The following SDK1 variants were observed in gnomAD, a reference collection of about 807,000 sequenced individuals.
The protein encoded by SDK1 is sidekick cell adhesion molecule 1, also known as protein sidekick-1.
A neutral mutation model predicts 245.5 loss-of-function variants in SDK1; 157 were observed. The observed-to-expected ratio is 0.64, with a 90% confidence interval of 0.56 to 0.73. SDK1 has a LOEUF of 0.73. SDK1 is among the 30% of genes least tolerant of loss of function. The pLI, the probability that SDK1 is intolerant of heterozygous loss-of-function variation, is 0.00. For missense variants in SDK1, 3,583 were observed against 3,002.3 expected, an observed-to-expected ratio of 1.19 and a Z score of -4.52; for synonymous variants, 1,647 against 1,278.5, an observed-to-expected ratio of 1.29 and a Z score of -6.15.
At chr7:3,488,066 A>C (rs1022812837) in intron 1 of SDK1, among the ~76,000 whole-genome samples, 3 of 152,282 alleles carry the variant, frequency 2.0e-5, no homozygotes, top group African/African-American at 7.2e-5. Flanking sequence ...CTTTCAAAGA[A>C]GTCTCTTGGT....
At chr7:3,802,055 A>G (rs1417833992) in intron 4 of SDK1, among the ~76,000 whole-genome samples, 1 of 152,206 alleles carries the variant, frequency 6.6e-6, no homozygotes, top group Non-Finnish European at 1.5e-5. Context: ...ACTTAATTAT[A>G]CATTCACAGA....
At chr7:3,916,408 A>C (rs1454949373) in intron 5 of SDK1, among the ~76,000 whole-genome samples, 2 of 152,246 alleles carry the variant, frequency 1.3e-5, no homozygotes, top group African/African-American at 4.8e-5. Context: ...CCCCTTTGGC[A>C]CAGTGAGTTT....
At chr7:4,118,984 TGAG>T (rs1359178812) in intron 25 of SDK1, among the ~76,000 whole-genome samples, 1 of 148,626 alleles carries the variant, frequency 6.7e-6, no homozygotes, top group Non-Finnish European at 1.5e-5. Flanking sequence ...TTGGGGATGA[TGAG>T]ATGTTCCAAA....
At chr7:3,696,982 A>G (rs908247467) in intron 4 of SDK1, among the ~76,000 whole-genome samples, 3 of 152,146 alleles carry the variant, frequency 2.0e-5, no homozygotes, top group African/African-American at 4.8e-5. Context: ...AGTGCGAAAT[A>G]GAACTTGTAT....
intron 30 of SDK1, among the ~76,000 whole-genome samples, chr7:4,153,639 A>G (rs1313879618): frequency 2.0e-5 from 3 of 152,070 alleles, no homozygotes; most frequent in Non-Finnish European, 2.9e-5. Context: ...CATGAGCTTG[A>G]TATTCTTTGT....
At chr7:4,148,223 G>A (rs1240463704) in intron 29 of SDK1, among the ~76,000 whole-genome samples, 1 of 152,172 alleles carries the variant, frequency 6.6e-6, no homozygotes, top group Non-Finnish European at 1.5e-5. Flanking sequence ...AGTGAGACGG[G>A]AGCCCTCCTC....
chr7:3,347,212 A>G (rs573101353), intron 1 of SDK1, among the ~76,000 whole-genome samples: 6 of 151,996 alleles, frequency 3.9e-5, no homozygotes, highest in Non-Finnish European at 7.4e-5. Flanking sequence ...CTCCAGGTGC[A>G]CAAACCAGAT....
chr7:3,666,020 C>T (rs1342841598), intron 4 of SDK1, among the ~76,000 whole-genome samples: 1 of 152,122 alleles, frequency 6.6e-6, no homozygotes, highest in Non-Finnish European at 1.5e-5. Flanking sequence ...CTGCCACCAC[C>T]TTTGTTCTGG....
intron 4 of SDK1, among the ~76,000 whole-genome samples, chr7:3,709,165 C>G (rs1395997754): frequency 1.3e-5 from 2 of 152,182 alleles, no homozygotes; most frequent in African/African-American, 4.8e-5. Flanking sequence ...ATTTATTTGT[C>G]TGAAAATTAC....
chr7:4,024,759 G>A (rs181195664), intron 17 of SDK1, among the ~76,000 whole-genome samples: 6 of 152,332 alleles, frequency 3.9e-5, no homozygotes, highest in Middle Eastern at 3.4e-3. Flanking sequence ...TGCCGGAGCC[G>A]AAACTTAAGT....
chr7:4,229,648 C>T (rs1785628395), intron 40 of SDK1, among the ~76,000 whole-genome samples: 1 of 152,108 alleles, frequency 6.6e-6, no homozygotes, highest in South Asian at 2.1e-4. Flanking sequence ...AGAGAATCCA[C>T]TCCGGAGGTG....
At chr7:3,359,677 G>T (rs1780900628) in intron 1 of SDK1, among the ~76,000 whole-genome samples, 2 of 152,136 alleles carry the variant, frequency 1.3e-5, no homozygotes, top group South Asian at 4.1e-4. Context: ...GGGCTCCCGG[G>T]TGGCGCGCTG....
chr7:3,955,872 G>C (rs1781219538), intron 7 of SDK1, among the ~76,000 whole-genome samples: 1 of 152,166 alleles, frequency 6.6e-6, no homozygotes, highest in Admixed American at 6.5e-5. Context: ...CCCTTGGTTT[G>C]GGGGCAGTCT....
intron 1 of SDK1, among the ~76,000 whole-genome samples, chr7:3,315,701 T>C (rs1463484088): frequency 6.6e-6 from 1 of 152,220 alleles, no homozygotes; most frequent in African/African-American, 2.4e-5. Flanking sequence ...TTTATAACTT[T>C]TTAAAAATTA....
At chr7:3,846,126 G>A (rs1179469717) in intron 5 of SDK1, among the ~76,000 whole-genome samples, 7 of 152,184 alleles carry the variant, frequency 4.6e-5, no homozygotes, top group Non-Finnish European at 1.0e-4. Flanking sequence ...AGGTTGCTGA[G>A]AAATGACATT....
chr7:3,762,406 A>G (rs1217516189), intron 4 of SDK1, among the ~76,000 whole-genome samples: 1 of 152,220 alleles, frequency 6.6e-6, no homozygotes, highest in East Asian at 1.9e-4. Flanking sequence ...GACCCTCTAG[A>G]TGTTTACGTA....
intron 30 of SDK1, among the ~76,000 whole-genome samples, chr7:4,150,276 C>G (rs986991655): frequency 2.6e-5 from 4 of 152,176 alleles, no homozygotes; most frequent in Non-Finnish European, 5.9e-5. Flanking sequence ...CCTTGTGCTT[C>G]TCATTGGCCC....
intron 5 of SDK1, among the ~76,000 whole-genome samples, chr7:3,891,746 C>G (rs1364438162): frequency 1.3e-5 from 2 of 152,130 alleles, no homozygotes; most frequent in African/African-American, 4.8e-5. Flanking sequence ...GGCGCAAGAG[C>G]CAATGATTGC....
At chr7:4,192,865 C>G (rs1017469324) in intron 35 of SDK1, among the ~76,000 whole-genome samples, 7 of 151,698 alleles carry the variant, frequency 4.6e-5, no homozygotes, top group Admixed American at 3.3e-4. Context: ...TCAAGCAGCT[C>G]TCAGACATCA....
Sources: gnomAD v4.1 joint callset for allele counts (sites outside exome capture counted in the v4.1 genomes callset) on GRCh38, gnomAD v4.1.1 for gene constraint, MANE v1.5 for transcripts, NCBI Gene and HGNC (gene_info 2026-07-23, HGNC 2026-07-21) for gene names.